Variants in SH3BP5 observed in about 807,000 individuals in gnomAD.
The protein encoded by SH3BP5 is SH3 domain binding protein 5.
A neutral mutation model predicts 43.3 loss-of-function variants in SH3BP5; 22 were observed. The ratio of observed to expected loss-of-function variants is 0.51; its 90% confidence interval spans 0.36 to 0.73. SH3BP5 has a LOEUF of 0.73. Ranked by LOEUF, SH3BP5 falls within the 30% of genes least tolerant of loss-of-function variation. The probability of loss-of-function intolerance (pLI) is 0.00; values close to 1 mark genes in which losing one functional copy is unlikely to be tolerated. For missense variants in SH3BP5, 529 were observed against 586.9 expected, an observed-to-expected ratio of 0.90 and a Z score of 1.02; for synonymous variants, 255 against 225.8, an observed-to-expected ratio of 1.13 and a Z score of -1.16.
rs542830611 is a variant in SH3BP5, at chr3:15,302,460, T to C, written c.330+1643A>G. The stretch of plus-strand genomic sequence containing the variant: ...AAAGAAGGGTTTCAGGCAGCCACTC[T>C]GTCTAGGAATAAAGGCAACATATCT... On this transcript the variant is annotated intron_variant, in intron 3 of 8. Coordinates refer to ENST00000383791, the MANE Select transcript of SH3BP5 (RefSeq NM_004844.5). Among the ~76,000 whole-genome samples, 2 of 152,298 alleles carry C rather than the reference T, an allele frequency of 1.3e-5. 1 individual carries two copies. The highest frequency in any genetic ancestry group is 3.9e-4 in the East Asian group (2 of 5,188).
chr3:15,261,334 G>C (rs770155284), intron 5 of SH3BP5, among the ~76,000 whole-genome samples: 3 of 152,240 alleles, frequency 2.0e-5, no homozygotes, highest in Admixed American at 6.5e-5. Flanking sequence ...AAGGTACTGG[G>C]GGGTAGTACA....
At chr3:15,320,497 T>C (rs1480440887) in intron 2 of SH3BP5, among the ~76,000 whole-genome samples, 1 of 152,068 alleles carries the variant, frequency 6.6e-6, no homozygotes, top group Non-Finnish European at 1.5e-5. Context: ...GAAACATCTA[T>C]GTGGCAATCG....
At chr3:15,257,420 G>C (rs529694168) in intron 7 of SH3BP5, 1 of 300,006 alleles carries the variant, frequency 3.3e-6, no homozygotes, top group African/African-American at 2.1e-5. Context: ...CCACAAATTA[G>C]GACCTTTACT....
At chr3:15,319,316 C>T (rs1698262513) in intron 2 of SH3BP5, among the ~76,000 whole-genome samples, 1 of 152,190 alleles carries the variant, frequency 6.6e-6, no homozygotes, top group Non-Finnish European at 1.5e-5. Context: ...AAAGTCCTTG[C>T]TTTGCTGGCT....
chr3:15,315,259 C>A (rs1575342557), intron 2 of SH3BP5, among the ~76,000 whole-genome samples: 2 of 152,102 alleles, frequency 1.3e-5, no homozygotes, highest in African/African-American at 4.8e-5. Context: ...CACTTCCCCT[C>A]CCTTGAGTTC....
intron 1 of SH3BP5, among the ~76,000 whole-genome samples, chr3:15,338,442 C>T (rs1698727460): frequency 6.6e-6 from 1 of 152,242 alleles, no homozygotes; most frequent in African/African-American, 2.4e-5. Context: ...GCATTCACAT[C>T]ACACTCTGGT....
intron 2 of SH3BP5, among the ~76,000 whole-genome samples, chr3:15,311,779 T>C (rs992899088): frequency 6.6e-6 from 1 of 152,078 alleles, no homozygotes; most frequent in Non-Finnish European, 1.5e-5. Context: ...GCTCAAGCAA[T>C]GCCCCTACCT....
chr3:15,302,126 T>C (rs1366953429), intron 3 of SH3BP5, among the ~76,000 whole-genome samples: 1 of 152,178 alleles, frequency 6.6e-6, no homozygotes, highest in Non-Finnish European at 1.5e-5. Context: ...GAACCCTCCA[T>C]ACTTCCGTTT....
intron 2 of SH3BP5, among the ~76,000 whole-genome samples, chr3:15,319,802 G>A (rs977416838): frequency 6.6e-5 from 10 of 152,114 alleles, no homozygotes; most frequent in African/African-American, 1.4e-4. Context: ...CATCTCTGAC[G>A]TCCAACCAAG....
intron 3 of SH3BP5, among the ~76,000 whole-genome samples, chr3:15,289,782 A>C (rs940919928): frequency 6.6e-6 from 1 of 152,008 alleles, no homozygotes; most frequent in Admixed American, 6.6e-5. Context: ...GGCATCTTAC[A>C]CCTCATGATT....
intron 3 of SH3BP5, among the ~76,000 whole-genome samples, chr3:15,290,475 G>T (rs1359517775): frequency 6.8e-6 from 1 of 146,252 alleles, no homozygotes; most frequent in South Asian, 2.2e-4. Flanking sequence ...GCAGTGAGCC[G>T]AGATTGCGCC....
chr3:15,265,560 A>AC lies in SH3BP5; in HGVS notation c.496-3272_496-3271insG, dbSNP rs71045145. On this transcript the variant is annotated intron_variant, in intron 4 of 8. Coordinates refer to ENST00000383791, the MANE Select transcript of SH3BP5 (RefSeq NM_004844.5). Reference sequence around the variant, plus strand: ...CACACACACACACACACACACACACAACCCTCCAGCTCCTGGAAGAGACCT... The same window carrying AC: ...CACACACACACACACACACACACACACACCCTCCAGCTCCTGGAAGAGACCT... Among the ~76,000 whole-genome samples the AC allele has an allele frequency of 2.9e-3, 377 of 131,738 alleles. 3 individuals are homozygous for AC. The highest frequency in any genetic ancestry group is 7.2e-3 in the African/African-American group (259 of 35,888). 86.4% of individuals were successfully genotyped at this position (131,738 alleles called of 152,430 possible).
Position 15,329,084 on chromosome 3 carries a change from A to C in SH3BP5, c.201+1420T>G, listed in dbSNP as rs1698535284. Among the ~76,000 whole-genome samples the C allele has an allele frequency of 2.0e-5, 3 of 152,218 alleles. No homozygotes were observed. In the South Asian group the frequency reaches 6.2e-4, roughly 32 times the overall value. Reference sequence around the variant, plus strand: ...AGAATCACTTGAGCCCAGGAGGTGGAAGTTGCAGTGAGCAGACATCACACC... The same window carrying C: ...AGAATCACTTGAGCCCAGGAGGTGGCAGTTGCAGTGAGCAGACATCACACC... On this transcript the variant is annotated intron_variant, in intron 2 of 8. Coordinates refer to ENST00000383791, the MANE Select transcript of SH3BP5 (RefSeq NM_004844.5).
At chr3:15,285,319 C>G (rs1697234366) in intron 3 of SH3BP5, among the ~76,000 whole-genome samples, 1 of 152,138 alleles carries the variant, frequency 6.6e-6, no homozygotes, top group Non-Finnish European at 1.5e-5. Context: ...AAAAGCTCAC[C>G]TGAATAATCA....
chr3:15,306,423 G>A (rs1271872167), intron 2 of SH3BP5, among the ~76,000 whole-genome samples: 1 of 152,104 alleles, frequency 6.6e-6, no homozygotes, highest in Non-Finnish European at 1.5e-5. Flanking sequence ...CGGAAAGATC[G>A]CTTAAGCCCA....
chr3:15,294,639 G>C (rs1697518883), intron 3 of SH3BP5, among the ~76,000 whole-genome samples: 1 of 152,068 alleles, frequency 6.6e-6, no homozygotes. Flanking sequence ...GTACTATAAG[G>C]CCAAAAGGGA....
At chr3:15,283,640 T>C (rs1697187656) in intron 3 of SH3BP5, among the ~76,000 whole-genome samples, 1 of 152,218 alleles carries the variant, frequency 6.6e-6, no homozygotes, top group Admixed American at 6.5e-5. Flanking sequence ...CAGTCTCTTC[T>C]GCGATGATTT....
Position 15,289,935 on chromosome 3 carries a change from T to C in SH3BP5, c.330+14168A>G, listed in dbSNP as rs111565496. On this transcript the variant is annotated intron_variant, in intron 3 of 8. Coordinates refer to ENST00000383791, the MANE Select transcript of SH3BP5 (RefSeq NM_004844.5). ...TCACTAAGCTGGCCTTACCCTGAGA[T>C]CAAGAGACTTAAAGAATGCAAAAAC... is the stretch of plus-strand genomic sequence containing the variant. Among the ~76,000 whole-genome samples, 120 of 152,252 alleles carry C rather than the reference T, an allele frequency of 7.9e-4. 2 individuals are homozygous for C. The highest frequency in any genetic ancestry group is 2.1e-3 in the African/African-American group (87 of 41,542).
chr3:15,298,185 C>G (rs1373445033), intron 3 of SH3BP5, among the ~76,000 whole-genome samples: 1 of 151,980 alleles, frequency 6.6e-6, no homozygotes, highest in African/African-American at 2.4e-5. Flanking sequence ...CTAGGCTGGC[C>G]TCGAACTCTT....
Sources: allele counts gnomAD v4.1 joint callset (sites outside exome capture counted in the v4.1 genomes callset), GRCh38; gene constraint gnomAD v4.1.1; transcripts MANE v1.5; gene names NCBI Gene and HGNC (gene_info 2026-07-23, HGNC 2026-07-21).